GLIS1: variants seen among roughly 807,000 people sequenced by gnomAD.
GLIS1 encodes GLIS family zinc finger 1, also known as zinc finger protein GLIS1.
A neutral mutation model predicts 63.8 loss-of-function variants in GLIS1; 24 were observed. The observed-to-expected ratio is 0.38, with a 90% CI of 0.27 to 0.53. The LOEUF (loss-of-function observed/expected upper bound fraction) is 0.53, where lower values mean the gene tolerates loss of function less well. Ranked by LOEUF, GLIS1 falls within the 20% of genes least tolerant of loss-of-function variation. The pLI is 0.85. For missense variants in GLIS1, 1,036 were observed against 1,074.1 expected, an observed-to-expected ratio of 0.96 and a Z score of 0.50; for synonymous variants, 450 against 482.5, an observed-to-expected ratio of 0.93 and a Z score of 0.88.
At chr1:53,718,250 G>A (rs796413931) in intron 2 of GLIS1, among the ~76,000 whole-genome samples, 22 of 152,224 alleles carry the variant, frequency 1.4e-4, no homozygotes, top group African/African-American at 5.1e-4. Context: ...AGAATCCAGG[G>A]GGCACAGGAG....
intron 2 of GLIS1, among the ~76,000 whole-genome samples, chr1:53,721,958 A>G (rs1418048508): frequency 6.6e-6 from 1 of 152,246 alleles, no homozygotes; most frequent in Non-Finnish European, 1.5e-5. Context: ...AAAAATGCCA[A>G]TTCTTAAATT....
chr1:53,652,490 C>T (rs1470263033), intron 2 of GLIS1, among the ~76,000 whole-genome samples: 1 of 152,136 alleles, frequency 6.6e-6, no homozygotes, highest in East Asian at 1.9e-4. Flanking sequence ...GCCAGGGGAT[C>T]TCTGGAAGCC....
intron 2 of GLIS1, among the ~76,000 whole-genome samples, chr1:53,684,559 G>A (rs1337369856): frequency 6.6e-6 from 1 of 152,098 alleles, no homozygotes; most frequent in Non-Finnish European, 1.5e-5. Flanking sequence ...TCTTGCTCTC[G>A]CCAAAGAAAT....
chr1:53,630,108 T>C (rs1042262511), intron 2 of GLIS1, among the ~76,000 whole-genome samples: 3 of 152,230 alleles, frequency 2.0e-5, no homozygotes, highest in African/African-American at 4.8e-5. Context: ...TCTGACTACA[T>C]TGACATTTAT....
intron 2 of GLIS1, among the ~76,000 whole-genome samples, chr1:53,606,927 G>A (rs189998499): frequency 8.1e-4 from 123 of 152,258 alleles, no homozygotes; most frequent in African/African-American, 2.8e-3. Flanking sequence ...TCAGGACGGC[G>A]CCGCGGAGAC....
chr1:53,700,631 T>C (rs1646513642), intron 2 of GLIS1, among the ~76,000 whole-genome samples: 1 of 152,166 alleles, frequency 6.6e-6, no homozygotes, highest in African/African-American at 2.4e-5. Flanking sequence ...GAGATACAAT[T>C]CACATATCAC....
chr1:53,597,203 A>C (rs1041269655), intron 3 of GLIS1, among the ~76,000 whole-genome samples: 5 of 146,086 alleles, frequency 3.4e-5, no homozygotes, highest in African/African-American at 5.2e-5. Flanking sequence ...AAAAAAAAAA[A>C]AAAAAAAACA....
At chr1:53,592,799 C>T (rs1380940373) in intron 4 of GLIS1, among the ~76,000 whole-genome samples, 1 of 152,286 alleles carries the variant, frequency 6.6e-6, no homozygotes, top group Non-Finnish European at 1.5e-5. Flanking sequence ...CCATTCACTG[C>T]TGCTCACTTG....
At chr1:53,579,311 T>C (rs1645062452) in intron 4 of GLIS1, among the ~76,000 whole-genome samples, 1 of 152,188 alleles carries the variant, frequency 6.6e-6, no homozygotes, top group Non-Finnish European at 1.5e-5. Context: ...TCCATGCTTC[T>C]CTCTCTGACA....
At chr1:53,599,713 C>T (rs916739987) in intron 3 of GLIS1, among the ~76,000 whole-genome samples, 1 of 152,208 alleles carries the variant, frequency 6.6e-6, no homozygotes, top group African/African-American at 2.4e-5. Context: ...GCTCTGTGGG[C>T]CATGGTCTCC....
chr1:53,666,807 G>T (rs1377220545), intron 2 of GLIS1, among the ~76,000 whole-genome samples: 1 of 152,036 alleles, frequency 6.6e-6, no homozygotes. Flanking sequence ...GGGCAGGGGT[G>T]ATGAAGTCAA....
chr1:53,587,724 T>C (rs1250445016), intron 4 of GLIS1, among the ~76,000 whole-genome samples: 2 of 152,224 alleles, frequency 1.3e-5, no homozygotes, highest in African/African-American at 4.8e-5. Flanking sequence ...ATCCATTTAC[T>C]TCCCCACTCG....
At chr1:53,528,013 G>C (rs1300041968) in intron 5 of GLIS1, among the ~76,000 whole-genome samples, 2 of 152,176 alleles carry the variant, frequency 1.3e-5, no homozygotes, top group Non-Finnish European at 2.9e-5. Flanking sequence ...TGGCCCGAGA[G>C]GCACGGGAGG....
At chr1:53,720,172 T>A (rs917431920) in intron 2 of GLIS1, among the ~76,000 whole-genome samples, 3 of 152,136 alleles carry the variant, frequency 2.0e-5, no homozygotes, top group African/African-American at 7.2e-5. Flanking sequence ...CAAGACTCTG[T>A]ATCAAAAACA....
chr1:53,702,995 C>T (rs72898638), intron 2 of GLIS1, among the ~76,000 whole-genome samples: 3,083 of 152,322 alleles, frequency 0.02, 99 homozygotes, highest in African/African-American at 0.069. Context: ...TCTTCTCTGG[C>T]TTCAAAGTCG....
rs1422290663 is a variant in GLIS1, at chr1:53,514,748, C to A, written c.1760G>T (p.Gly587Val). ...TGGGGGCAGGAGGCCCGATGCAAGT[C>A]CGTTATGGGGGGTGATGGAGCCAGG... Reference protein sequence around the residue: ...VYPGSITPHNGLASGLLPPAH... With the variant: ...VYPGSITPHNVLASGLLPPAH... The change falls in exon 8 of 11, where the codon GGA becomes GTA. Residue 587 changes from glycine (G) to valine (V), a missense_variant. Physicochemically the swap from Gly to Val is moderately radical, Grantham distance 109. This residue lies in a region of GLIS1 where 400 missense variants were observed against 400.9 expected (regional missense o/e 1.00). Transcript: ENST00000628545. 2 of 1,608,128 alleles carry A rather than the reference C, an allele frequency of 1.2e-6. No homozygotes were observed. Among genetic ancestry groups the A allele is most frequent in the Non-Finnish European group, 1.7e-6 (2 of 1,177,288 alleles).
intron 2 of GLIS1, among the ~76,000 whole-genome samples, chr1:53,720,600 A>T (rs1486769554): frequency 6.6e-6 from 1 of 152,196 alleles, no homozygotes; most frequent in African/African-American, 2.4e-5. Flanking sequence ...ACTATAGTTA[A>T]CAGTAATAGT....
chr1:53,693,620 G>A (rs1291834826), intron 2 of GLIS1, among the ~76,000 whole-genome samples: 1 of 152,170 alleles, frequency 6.6e-6, no homozygotes, highest in Non-Finnish European at 1.5e-5. Flanking sequence ...GAGCTCAGTG[G>A]GGAGGAAGGC....
chr1:53,553,052 G>T (rs1216614878), intron 4 of GLIS1, among the ~76,000 whole-genome samples: 1 of 152,212 alleles, frequency 6.6e-6, no homozygotes, highest in Non-Finnish European at 1.5e-5. Context: ...CTCTGGCTGG[G>T]ATCACCAGCC....
Sources: allele counts gnomAD v4.1 joint callset (sites outside exome capture counted in the v4.1 genomes callset), GRCh38; gene constraint gnomAD v4.1.1; regional missense constraint gnomAD v4.1.1; transcripts MANE v1.5; gene names NCBI Gene and HGNC (gene_info 2026-07-23, HGNC 2026-07-21).